The following CHST11 variants were observed in gnomAD, a reference collection of about 807,000 sequenced individuals.
The protein encoded by CHST11 is carbohydrate sulfotransferase 11.
Under a neutral mutation model 30.4 loss-of-function variants are expected in CHST11, and 9 were observed. The ratio of observed to expected loss-of-function variants is 0.30; its 90% CI spans 0.18 to 0.52. The LOEUF is 0.52. CHST11 is among the 20% of genes least tolerant of loss of function. The pLI, the probability that CHST11 is intolerant of heterozygous loss-of-function variation, is 0.97. For synonymous variants in CHST11, 152 were observed against 187.8 expected (o/e 0.81, Z 1.56); for missense variants, 348 against 460.6 (o/e 0.76, Z 2.24).
chr12:104,755,827 G>A (rs1016738162), intron 2 of CHST11, among the ~76,000 whole-genome samples: 2 of 152,098 alleles, frequency 1.3e-5, no homozygotes, highest in Non-Finnish European at 2.9e-5. Context: ...TACCAGCAGA[G>A]ATTGAGAGGG....
At chr12:104,587,693 C>T (rs1377575250) in intron 1 of CHST11, among the ~76,000 whole-genome samples, 21 of 152,194 alleles carry the variant, frequency 1.4e-4, no homozygotes, top group South Asian at 4.1e-4. Flanking sequence ...CCATCCTGCC[C>T]GGCTCAAGTA....
chr12:104,709,136 G>C (rs2040062558), intron 2 of CHST11, among the ~76,000 whole-genome samples: 1 of 152,214 alleles, frequency 6.6e-6, no homozygotes, highest in South Asian at 2.1e-4. Flanking sequence ...CAAAGAAACT[G>C]CAAAACAAAG....
intron 2 of CHST11, among the ~76,000 whole-genome samples, chr12:104,744,118 C>A (rs189631149): frequency 6.6e-6 from 1 of 152,320 alleles, no homozygotes; most frequent in African/African-American, 2.4e-5. Context: ...TGGGTATATA[C>A]CCAGTAATGG....
At chr12:104,517,828 C>G (rs2038038911) in intron 1 of CHST11, among the ~76,000 whole-genome samples, 1 of 152,224 alleles carries the variant, frequency 6.6e-6, no homozygotes. Context: ...TCCTGATGAG[C>G]TTGGCGAAAT....
chr12:104,517,853 T>C (rs17811260), intron 1 of CHST11, among the ~76,000 whole-genome samples: 3,388 of 152,318 alleles, frequency 0.022, 50 homozygotes, highest in Middle Eastern at 0.037. Flanking sequence ...CCAGACATTT[T>C]ATAATTGGTC....
chr12:104,514,425 C>A, intron 1 of CHST11: 1 of 914,942 alleles, frequency 1.1e-6, no homozygotes, highest in Admixed American at 1.7e-5. Flanking sequence ...CTTCCTCATC[C>A]TCTTCACCAT....
intron 2 of CHST11, among the ~76,000 whole-genome samples, chr12:104,650,855 G>A (rs2136081803): frequency 6.6e-6 from 1 of 152,332 alleles, no homozygotes; most frequent in South Asian, 2.1e-4. Context: ...CCAGTGTGGA[G>A]GTGGTTAAGA....
At chr12:104,506,698 G>A (rs560167915) in intron 1 of CHST11, among the ~76,000 whole-genome samples, 6 of 152,264 alleles carry the variant, frequency 3.9e-5, no homozygotes, top group African/African-American at 7.2e-5. Flanking sequence ...TGGAAACTTC[G>A]CAGGAAATGT....
intron 1 of CHST11, among the ~76,000 whole-genome samples, chr12:104,568,176 G>A (rs185360831): frequency 2.0e-4 from 31 of 152,224 alleles, no homozygotes; most frequent in African/African-American, 6.0e-4. Context: ...GTTTAGGGCC[G>A]GGGTCTTCCT....
rs138920974 is a variant in CHST11, at chr12:104,459,081, T to A, written c.118+1552T>A. ...AACCTCAGGACGTCCGAGCCAGCCC[T>A]GTTAAAGATGGCTTTTGTTTGCAGC... is the stretch of plus-strand genomic sequence containing the variant. On this transcript the variant is annotated intron_variant, in intron 1 of 2. Coordinates refer to ENST00000303694, the MANE Select transcript of CHST11 (RefSeq NM_018413.6). Among the ~76,000 whole-genome samples, 4 of 152,382 alleles carry A rather than the reference T, an allele frequency of 2.6e-5. No individual in the cohort carries two copies. In the East Asian group the frequency reaches 7.7e-4, roughly 29 times the overall value.
chr12:104,650,026 A>G (rs1045643350), intron 2 of CHST11, among the ~76,000 whole-genome samples: 7 of 152,300 alleles, frequency 4.6e-5, no homozygotes, highest in Admixed American at 3.9e-4. Context: ...CACAGTGCAG[A>G]TGGATGGATG....
chr12:104,592,054 G>A (rs1488816018), intron 1 of CHST11, among the ~76,000 whole-genome samples: 1 of 151,886 alleles, frequency 6.6e-6, no homozygotes, highest in Non-Finnish European at 1.5e-5. Flanking sequence ...GGTTAGGGAT[G>A]AGGTGGTTTA....
At chr12:104,683,299 G>C (rs112399683) in intron 2 of CHST11, among the ~76,000 whole-genome samples, 4 of 152,278 alleles carry the variant, frequency 2.6e-5, no homozygotes, top group African/African-American at 9.6e-5. Flanking sequence ...GAGAGAGAGG[G>C]AAAGAGAAAT....
intron 2 of CHST11, among the ~76,000 whole-genome samples, chr12:104,709,677 C>T (rs1458518729): frequency 1.3e-5 from 2 of 152,078 alleles, no homozygotes; most frequent in East Asian, 3.9e-4. Context: ...CGCAGGGCAC[C>T]CTGCGGTCCA....
chr12:104,504,735 G>A (rs2037886823), intron 1 of CHST11, among the ~76,000 whole-genome samples: 2 of 152,132 alleles, frequency 1.3e-5, no homozygotes, highest in Non-Finnish European at 2.9e-5. Context: ...GGAGGCTGGG[G>A]TGGGGTGATC....
rs149172082 is a variant in CHST11 at position 104,719,179 on chromosome 12, G to A, written c.205-37770G>A. 3.4e-3 allele frequency among the ~76,000 whole-genome samples: 518 copies of A among 152,234 alleles called. 5 individuals carry two copies. The highest frequency in any genetic ancestry group is 0.012 in the African/African-American group (495 of 41,526). On this transcript the variant is annotated intron_variant, in intron 2 of 2. Coordinates refer to ENST00000303694, the MANE Select transcript of CHST11 (RefSeq NM_018413.6). ...GGTGACGCCCGGAAGCAGACACTCC[G>A]CAACGTACTGTCTTCTAGGCTGACA...
chr12:104,506,771 AT>A (rs1418994925), intron 1 of CHST11, among the ~76,000 whole-genome samples: 2 of 152,114 alleles, frequency 1.3e-5, no homozygotes. Flanking sequence ...CAGACCTTTT[AT>A]TTTGGCAAGG....
intron 1 of CHST11, among the ~76,000 whole-genome samples, chr12:104,543,579 G>A (rs912494613): frequency 2.0e-5 from 3 of 152,096 alleles, no homozygotes; most frequent in African/African-American, 4.8e-5. Context: ...CCCTGGACTC[G>A]GCTCAGAGTC....
chr12:104,472,080 C>T (rs1237064198), intron 1 of CHST11, among the ~76,000 whole-genome samples: 2 of 152,070 alleles, frequency 1.3e-5, no homozygotes, highest in African/African-American at 4.8e-5. Context: ...CCTCAGCCTC[C>T]CAAGTAGCTG....
Sources: gnomAD v4.1 joint callset for allele counts (sites outside exome capture counted in the v4.1 genomes callset) on GRCh38, gnomAD v4.1.1 for gene constraint, MANE v1.5 for transcripts, NCBI Gene and HGNC (gene_info 2026-07-23, HGNC 2026-07-21) for gene names.